DCAF5: variants seen among roughly 807,000 people sequenced by gnomAD.
DCAF5 encodes DDB1 and CUL4 associated factor 5.
A neutral mutation model predicts 80.7 loss-of-function variants in DCAF5; 9 were observed. That is an observed-to-expected ratio of 0.11 (90% CI 0.07 to 0.19). DCAF5 has a LOEUF of 0.19. Ranked by LOEUF, DCAF5 falls within the 10% of genes least tolerant of loss-of-function variation. DCAF5 has a pLI of 1.00. For missense variants in DCAF5, 842 were observed against 1,205.7 expected (o/e 0.70, Z 4.47); for synonymous variants, 433 against 461.9 (o/e 0.94, Z 0.80).
chr14:69,126,314 C>T (rs1443875165), intron 1 of DCAF5, among the ~76,000 whole-genome samples: 1 of 151,934 alleles, frequency 6.6e-6, no homozygotes, highest in African/African-American at 2.4e-5. Context: ...CCCACCACCA[C>T]GCCCAGCTCA....
intron 7 of DCAF5, among the ~76,000 whole-genome samples, chr14:69,066,480 T>C (rs1220089664): frequency 2.6e-5 from 4 of 152,138 alleles, no homozygotes; most frequent in Non-Finnish European, 5.9e-5. Context: ...GAGGCCAAAG[T>C]CCCCATATAT....
chr14:69,107,875 T>C (rs771268238), intron 5 of DCAF5, among the ~76,000 whole-genome samples: 1 of 152,232 alleles, frequency 6.6e-6, no homozygotes, highest in African/African-American at 2.4e-5. Flanking sequence ...TAAGTTTCCA[T>C]AATATTCCAA....
chr14:69,099,295 CACACAACT>C (rs1566752996), intron 5 of DCAF5, among the ~76,000 whole-genome samples: 3 of 137,262 alleles, frequency 2.2e-5, no homozygotes, highest in African/African-American at 5.7e-5. Context: ...CACACACACA[CACACAACT>C]AACAAAGCAA....
intron 1 of DCAF5, among the ~76,000 whole-genome samples, chr14:69,129,985 A>C (rs1488110971): frequency 6.6e-6 from 1 of 152,232 alleles, no homozygotes. Flanking sequence ...AAAATGTACT[A>C]TAATCACATT....
chr14:69,132,438 C>G (rs1335373185), intron 1 of DCAF5, among the ~76,000 whole-genome samples: 1 of 152,166 alleles, frequency 6.6e-6, no homozygotes, highest in Admixed American at 6.5e-5. Context: ...ATTCTACAAA[C>G]AGTTTGAGTT....
chr14:69,077,530 G>A (rs1431470953), intron 6 of DCAF5, among the ~76,000 whole-genome samples: 1 of 151,896 alleles, frequency 6.6e-6, no homozygotes, highest in African/African-American at 2.4e-5. Context: ...ACTACAGGCA[G>A]GCACCACCAC....
intron 1 of DCAF5, among the ~76,000 whole-genome samples, chr14:69,127,448 G>T (rs1321730243): frequency 6.6e-6 from 1 of 152,188 alleles, no homozygotes; most frequent in Middle Eastern, 3.2e-3. Flanking sequence ...CAAAATCATG[G>T]AGACAACAAA....
chr14:69,108,762 C>T (rs538172093), intron 5 of DCAF5, among the ~76,000 whole-genome samples: 2 of 152,226 alleles, frequency 1.3e-5, no homozygotes, highest in Non-Finnish European at 2.9e-5. Context: ...GAGTAGAAGA[C>T]AGAAAGAAGG....
chr14:69,075,153 T>C (rs1248473997), intron 7 of DCAF5, among the ~76,000 whole-genome samples, 192 bp downstream of exon 7: 1 of 152,208 alleles, frequency 6.6e-6, no homozygotes, highest in Non-Finnish European at 1.5e-5. Context: ...GCATCATTTA[T>C]GTCAGATAAG....
chr14:69,083,846 ATGATGAAGATGACAG>A, intron 6 of DCAF5: 1 of 742,564 alleles, frequency 1.3e-6, no homozygotes, highest in Non-Finnish European at 2.5e-6. Context: ...GAGAAGCCAG[ATGATGAAGATGACAG>A]TGAGATGCCC....
intron 7 of DCAF5, among the ~76,000 whole-genome samples, chr14:69,070,900 C>A (rs1190271286): frequency 6.6e-6 from 1 of 151,848 alleles, no homozygotes; most frequent in African/African-American, 2.4e-5. Context: ...CGGGTTCAAG[C>A]GTTTCTTCTG....
intron 1 of DCAF5, among the ~76,000 whole-genome samples, chr14:69,130,740 T>C (rs2140091909): frequency 6.6e-6 from 1 of 152,326 alleles, no homozygotes; most frequent in Non-Finnish European, 1.5e-5. Context: ...GTTCAAAACA[T>C]TCTTTTAACA....
chr14:69,118,323 G>A lies in DCAF5; in HGVS notation c.396-45C>T. On this transcript the variant is annotated intron_variant, in intron 3 of 8. Coordinates refer to ENST00000341516, the MANE Select transcript of DCAF5 (RefSeq NM_003861.3). This position sits in a 1 kb window ranked among gnomAD's most constrained non-coding sequence, Gnocchi z 4.0. Reference sequence around the variant, plus strand: ...GACAGAGGCACACACATACACACAAGCATAGTGCAGAGTCCCAGCACTTTG... The same window carrying A: ...GACAGAGGCACACACATACACACAAACATAGTGCAGAGTCCCAGCACTTTG... 1 of 1,596,054 alleles carries A rather than the reference G, an allele frequency of 6.3e-7. No homozygotes were observed. The highest frequency in any genetic ancestry group is 2.2e-5 in the East Asian group (1 of 44,490).
At chr14:69,058,245 G>A (rs1448346701) in intron 8 of DCAF5, among the ~76,000 whole-genome samples, 2 of 152,142 alleles carry the variant, frequency 1.3e-5, no homozygotes, top group Admixed American at 6.5e-5. Context: ...GCAGCCGGGC[G>A]TGGTGGCTCA....
chr14:69,089,940 G>A (rs2039473042), intron 6 of DCAF5: 2 of 985,432 alleles, frequency 2.0e-6, no homozygotes, highest in Non-Finnish European at 2.4e-6. Context: ...CATGGTCTAG[G>A]TGCTTACATG....
At chr14:69,122,067 C>T in intron 2 of DCAF5, 150 bp downstream of exon 2, 1 of 883,848 alleles carries the variant, frequency 1.1e-6, no homozygotes, top group Non-Finnish European at 1.7e-6. Flanking sequence ...ATATATAATA[C>T]TGCTGTAATG....
At chr14:69,078,989 A>C (rs2139917043) in intron 6 of DCAF5, among the ~76,000 whole-genome samples, 1 of 152,142 alleles carries the variant, frequency 6.6e-6, no homozygotes, top group East Asian at 1.9e-4. Context: ...CAGCCTCCCC[A>C]GCAGCTGGGA....
chr14:69,099,251 A>AACACACACACACACACACACACAC (rs60913200), intron 5 of DCAF5, among the ~76,000 whole-genome samples: 2 of 124,266 alleles, frequency 1.6e-5, no homozygotes, highest in African/African-American at 6.0e-5. Context: ...ACTCTGTCTC[A>AACACACACACACACACACACACAC]ACACACACAC....
intron 8 of DCAF5, among the ~76,000 whole-genome samples, chr14:69,059,996 A>C (rs1353174584): frequency 6.6e-6 from 1 of 152,092 alleles, no homozygotes; most frequent in Non-Finnish European, 1.5e-5. Flanking sequence ...CTAAACAATA[A>C]ATAGGGAGAT....
Sources: gnomAD v4.1 joint callset for allele counts (sites outside exome capture counted in the v4.1 genomes callset) on GRCh38, gnomAD v4.1.1 for gene constraint, Gnocchi (gnomAD v3.1) non-coding constraint, MANE v1.5 for transcripts, NCBI Gene and HGNC (gene_info 2026-07-23, HGNC 2026-07-21) for gene names.